The following TRIM10 variants were observed in gnomAD, a reference collection of about 807,000 sequenced individuals.
TRIM10 encodes the protein tripartite motif containing 10.
TRIM10 carries 42 observed loss-of-function variants against 40.0 expected under a neutral mutation model. That is an observed-to-expected ratio of 1.05 (90% CI 0.82 to 1.36). The LOEUF (loss-of-function observed/expected upper bound fraction) is 1.36. Among genes scored for constraint, TRIM10 ranks in the 40% most tolerant of loss-of-function variants. The probability of loss-of-function intolerance (pLI) is 0.00; values close to 1 mark genes in which losing one functional copy is unlikely to be tolerated. For synonymous variants in TRIM10, 260 were observed against 239.5 expected, an observed-to-expected ratio of 1.09 and a Z score of -0.79; for missense variants, 601 against 608.3, an observed-to-expected ratio of 0.99 and a Z score of 0.13.
chr6:30,154,132 G>A lies in TRIM10; in HGVS notation c.1283C>T (p.Pro428Leu), dbSNP rs768509900. 6.2e-7 allele frequency: 1 copy of A among 1,612,982 alleles called. No homozygotes were observed. Among genetic ancestry groups the A allele is most frequent in the South Asian group, 1.1e-5 (1 of 91,084 alleles). ...FPTRLTLKEQ[P>L]RQVRVSLDYE... Reference sequence around the variant, plus strand: ...GTCAAGAGACACCCTCACCTGCCGGGGCTGCTCCTTCAGGGTCAGCCGTGT... The same window carrying A: ...GTCAAGAGACACCCTCACCTGCCGGAGCTGCTCCTTCAGGGTCAGCCGTGT... Residue 428 changes from proline to leucine, a missense_variant, in exon 7 of 7, where the codon CCC becomes CTC. Transcript: ENST00000449742.
chr6:30,154,416 C>G lies in TRIM10; in HGVS notation c.999G>C (p.Gln333His), dbSNP rs779753161. Residue 333 changes from glutamine to histidine, a missense_variant, in exon 7 of 7, where the codon CAG becomes CAC. Coordinates refer to ENST00000449742, the MANE Select transcript of TRIM10 (RefSeq NM_006778.4). ...LLLSEDHQRA[Q>H]FSYKWQNSPD... ...GTGAGTTCTGCCATTTGTAGGAGAA[C>G]TGAGCTCGCTGGTGGTCCTCGGACA... 1 of 1,613,026 alleles carries G rather than the reference C, an allele frequency of 6.2e-7. No homozygotes were observed.
In TRIM10 at chr6:30,160,323, T is replaced by G. The variant is rs1032976078; in HGVS notation, c.429+107A>C. ...TCTATTGCCTGGGTGATCATGTAAG[T>G]AAGGAGAAAGAATTTGGCCTCCGGG... On this transcript the variant is annotated intron_variant, in intron 1 of 6. Coordinates refer to ENST00000449742, the MANE Select transcript of TRIM10 (RefSeq NM_006778.4). 5 of 1,235,694 alleles carry G rather than the reference T, an allele frequency of 4.0e-6. No individual in the cohort carries two copies. The East Asian group carries it at 1.2e-4, about 30-fold the overall frequency. 76.5% of individuals were successfully genotyped at this position (1,235,694 alleles called of 1,614,324 possible). A position where few individuals can be genotyped will look rare whatever the true frequency, so the allele number is the denominator to read the frequency against.
At chr6:30,161,273 T>C (rs1483819388), upstream of TRIM10, among the ~76,000 whole-genome samples, 1 of 152,122 alleles carries the variant, frequency 6.6e-6, no homozygotes, top group Non-Finnish European at 1.5e-5. Flanking sequence ...ATTCCAGCCT[T>C]TCTGCCATAT....
chr6:30,162,450 G>A (rs920046934), upstream of TRIM10, among the ~76,000 whole-genome samples: 3 of 152,130 alleles, frequency 2.0e-5, no homozygotes, highest in African/African-American at 7.2e-5. Context: ...GGCTGCACTC[G>A]TGGCAGGAAG....
chr6:30,157,817 T>C (rs115755966), intron 3 of TRIM10, among the ~76,000 whole-genome samples: 5,287 of 152,150 alleles, frequency 0.035, 185 homozygotes, highest in South Asian at 0.16. Flanking sequence ...GACTCACCCA[T>C]CTCTGTGGAT....
chr6:30,158,353 G>T, intron 3 of TRIM10, 46 bp downstream of exon 3: 1 of 1,516,302 alleles, frequency 6.6e-7, no homozygotes, highest in Non-Finnish European at 9.2e-7. Flanking sequence ...AGATGCAAGA[G>T]TCACAGGACA....
At position 30,155,726 on chromosome 6, in the gene TRIM10, C is replaced by A. The variant is rs1352800930; in HGVS notation, c.928+1G>T. 1 of 1,613,692 alleles carries A rather than the reference C, an allele frequency of 6.2e-7. No individual in the cohort carries two copies. The highest frequency in any genetic ancestry group is 8.5e-7 in the Non-Finnish European group (1 of 1,179,898). Reference sequence around the variant, plus strand: ...CTCCCATCCTGACATAGGCTCCTTACCTGGCTCATAGTCCAACTCAAAGCA... The same window carrying A: ...CTCCCATCCTGACATAGGCTCCTTAACTGGCTCATAGTCCAACTCAAAGCA... On this transcript the variant is annotated splice_donor_variant, in intron 6 of 6. Transcript: ENST00000449742. LOFTEE classifies it high-confidence loss of function.
chr6:30,154,453 G>T lies in TRIM10; in HGVS notation c.962C>A (p.Pro321His), dbSNP rs1029732890. 6.2e-7 allele frequency: 1 copy of T among 1,612,604 alleles called. No homozygotes were observed. The highest frequency in any genetic ancestry group is 1.1e-5 in the South Asian group (1 of 91,088). ...HISLDPQTSH[P>H]KLLLSEDHQR... ...GTGGTCCTCGGACAAGAGGAGCTTG[G>T]GGTGGGAAGTCTGAGGGTCTAGAGA... The change falls in exon 7 of 7, where the codon CCC (proline) becomes CAC (histidine). Residue 321 changes from proline to histidine, a missense_variant. Transcript: ENST00000449742.
intron 1 of TRIM10, 143 bp from the exon 2 acceptor site, chr6:30,159,388 C>T: frequency 3.2e-6 from 2 of 621,818 alleles, no homozygotes; most frequent in Non-Finnish European, 5.7e-6. Flanking sequence ...GCCTTCACCA[C>T]CCTGACAGCT....
rs750855846 is a variant in TRIM10, at chr6:30,157,000, C to T, written c.834G>A (p.Gln278=). ...KPVAVSPELG[Q]RIRDFPQQAL... ...CCTGCTGGGGAAAGTCCCGAATCCTCTGGCCCAGCTCTGGCGACACAGCCA... is the reference window on the plus strand; with the variant it reads ...CCTGCTGGGGAAAGTCCCGAATCCTTTGGCCCAGCTCTGGCGACACAGCCA... The change falls in exon 5 of 7, where the codon CAG becomes CAA. Residue 278 remains glutamine (Q), a synonymous_variant. Transcript: ENST00000449742. 42 of 1,612,998 alleles carry T rather than the reference C, an allele frequency of 2.6e-5. No homozygotes were observed. The highest frequency in any genetic ancestry group is 3.5e-5 in the Non-Finnish European group (41 of 1,180,044).
intron 1 of TRIM10, 36 bp downstream of exon 1, chr6:30,160,394 A>G (rs758744493): frequency 6.3e-7 from 1 of 1,595,044 alleles, no homozygotes; most frequent in African/African-American, 1.3e-5. Context: ...AGTCCAGTCC[A>G]GTCCACCCTG....
chr6:30,163,526 G>C, upstream of TRIM10: 1 of 888,974 alleles, frequency 1.1e-6, no homozygotes, highest in Non-Finnish European at 1.6e-6. Flanking sequence ...TGGCTTCCCT[G>C]TGCTGGCATT....
Position 30,153,789 on chromosome 6 carries a change from G to A in TRIM10, c.*180C>T, listed in dbSNP as rs1481667887. On this transcript the variant is annotated 3_prime_UTR_variant, in exon 7 of 7. Coordinates refer to ENST00000449742, the MANE Select transcript of TRIM10 (RefSeq NM_006778.4). ...GCCATCCACTGGGCATTGGGGAAAG[G>A]ACTTGATCAGTAGATTGAGAGTCCT... The A allele has an allele frequency of 6.2e-7, 1 of 1,612,932 alleles. No homozygotes were observed. Among genetic ancestry groups the A allele is most frequent in the African/African-American group, 1.3e-5 (1 of 74,918 alleles).
upstream of TRIM10, among the ~76,000 whole-genome samples, chr6:30,162,561 G>A (rs1234201822): frequency 6.6e-6 from 1 of 152,132 alleles, no homozygotes; most frequent in Non-Finnish European, 1.5e-5. Context: ...AATGGGGGAA[G>A]GCCTGGTTTT....
intron 4 of TRIM10, 111 bp from the exon 5 acceptor site, chr6:30,157,165 C>A (rs1189288139): frequency 1.7e-6 from 2 of 1,205,154 alleles, no homozygotes; most frequent in Admixed American, 2.1e-5. Context: ...TGCAGGCAGA[C>A]GTACTTCCTC....
chr6:30,160,416 T>A lies in TRIM10; in HGVS notation c.429+14A>T. On this transcript the variant is annotated intron_variant, in intron 1 of 6. Coordinates refer to ENST00000449742, the MANE Select transcript of TRIM10 (RefSeq NM_006778.4). The stretch of plus-strand genomic sequence containing the variant: ...TCCAGTCCACCCTGGGATCCCCCAG[T>A]TCCCCTTTCCTACCCTATAGGGAGC... 1 of 1,608,600 alleles carries A rather than the reference T, an allele frequency of 6.2e-7. No individual in the cohort carries two copies. The highest frequency in any genetic ancestry group is 2.2e-5 in the East Asian group (1 of 44,818).
At position 30,154,433 on chromosome 6, in the gene TRIM10, C is replaced by T. The variant is rs1202872249; in HGVS notation, c.982G>A (p.Asp328Asn). 1 of 1,612,858 alleles carries T rather than the reference C, an allele frequency of 6.2e-7. No homozygotes were observed. The highest frequency in any genetic ancestry group is 2.2e-5 in the East Asian group (1 of 44,866). The change falls in exon 7 of 7, where the codon GAC becomes AAC. Residue 328 changes from aspartate to asparagine, a missense_variant. Transcript: ENST00000449742. ...TAGGAGAACTGAGCTCGCTGGTGGTCCTCGGACAAGAGGAGCTTGGGGTGG... is the reference window on the plus strand; with the variant it reads ...TAGGAGAACTGAGCTCGCTGGTGGTTCTCGGACAAGAGGAGCTTGGGGTGG... ...TSHPKLLLSEDHQRAQFSYKW... is the reference protein window; with the variant it reads ...TSHPKLLLSENHQRAQFSYKW...
intron 4 of TRIM10, 63 bp from the exon 5 acceptor site, chr6:30,157,117 C>T (rs2127441196): frequency 6.6e-7 from 1 of 1,509,334 alleles, no homozygotes; most frequent in Non-Finnish European, 9.1e-7. Context: ...CCAGACTCAG[C>T]TGGTCATCTT....
chr6:30,159,935 T>C (rs1562127492), intron 1 of TRIM10, among the ~76,000 whole-genome samples: 1 of 152,186 alleles, frequency 6.6e-6, no homozygotes, highest in Non-Finnish European at 1.5e-5. Context: ...TAATGACAGA[T>C]AAAATGGCAT....
Sources: allele counts gnomAD v4.1 joint callset (sites outside exome capture counted in the v4.1 genomes callset), GRCh38; gene constraint gnomAD v4.1.1; transcripts MANE v1.5; gene names NCBI Gene and HGNC (gene_info 2026-07-23, HGNC 2026-07-21).